LRP1B: variants seen among roughly 807,000 people sequenced by gnomAD.
LRP1B encodes LDL receptor related protein 1B, also known as low-density lipoprotein receptor-related protein 1B.
A neutral mutation model predicts 556.6 loss-of-function variants in LRP1B; 217 were observed. The observed-to-expected ratio is 0.39, with a 90% CI of 0.35 to 0.44. The LOEUF (loss-of-function observed/expected upper bound fraction) is 0.44. LRP1B is among the 20% of genes least tolerant of loss of function. The probability of loss-of-function intolerance (pLI) is 1.00; values close to 1 mark genes in which losing one functional copy is unlikely to be tolerated. For synonymous variants in LRP1B, 2,047 were observed against 1,865.8 expected (o/e 1.10, Z -2.50); for missense variants, 5,053 against 5,620.8 (o/e 0.90, Z 3.23).
intron 77 of LRP1B, among the ~76,000 whole-genome samples, chr2:140,342,783 C>A (rs1681462360): frequency 6.6e-6 from 1 of 151,428 alleles, no homozygotes; most frequent in Admixed American, 6.6e-5. Context: ...AAACCATATA[C>A]ACATAAATGC....
intron 39 of LRP1B, 75 bp from the exon 40 acceptor site, chr2:140,701,920 T>TAACAGATGGACCAAC: frequency 1.3e-6 from 2 of 1,568,108 alleles, no homozygotes; most frequent in Non-Finnish European, 1.7e-6. Context: ...AAGCTGAAGA[T>TAACAGATGGACCAAC]AACAGATGGA....
At chr2:141,074,632 T>C (rs1463072841) in intron 7 of LRP1B, among the ~76,000 whole-genome samples, 1 of 35,268 alleles carries the variant, frequency 2.8e-5, no homozygotes, top group Non-Finnish European at 8.6e-5. Context: ...ATAAAACACA[T>C]ATATTACATA....
chr2:141,446,891 TG>T (rs1366324242), intron 3 of LRP1B, among the ~76,000 whole-genome samples: 1 of 152,156 alleles, frequency 6.6e-6, no homozygotes, highest in Non-Finnish European at 1.5e-5. Context: ...TTATGTGTCT[TG>T]GGGTTGCTCT....
chr2:141,865,836 G>GA (rs1467781843), intron 1 of LRP1B, among the ~76,000 whole-genome samples: 1 of 152,206 alleles, frequency 6.6e-6, no homozygotes, highest in African/African-American at 2.4e-5. Context: ...CTGGAAGGAT[G>GA]TGGTAGAGCT....
chr2:141,629,761 G>A (rs1688841490), intron 2 of LRP1B, among the ~76,000 whole-genome samples: 1 of 152,026 alleles, frequency 6.6e-6, no homozygotes, highest in Admixed American at 6.6e-5. Context: ...ACACTGAGAG[G>A]ACTGAATCTA....
At chr2:141,124,790 A>C in intron 7 of LRP1B, among the ~76,000 whole-genome samples, 1 of 152,140 alleles carries the variant, frequency 6.6e-6, no homozygotes, top group Non-Finnish European at 1.5e-5. Context: ...GCTTTGTTAA[A>C]TTAATAGATA....
Position 140,492,535 on chromosome 2 carries a change from G to A in LRP1B, c.9120+73C>T, listed in dbSNP as rs1047408202. ...TATGCTTCACAAACTCTAATTGCCA[G>A]GTAGTTCTACAGCTCTAACACATAC... is the stretch of plus-strand genomic sequence containing the variant. On this transcript the variant is annotated intron_variant, in intron 57 of 90. Coordinates refer to ENST00000389484, the MANE Select transcript of LRP1B (RefSeq NM_018557.3). 31 of 900,524 alleles carry A rather than the reference G, an allele frequency of 3.4e-5. No individual in the cohort carries two copies. In the South Asian group the frequency reaches 3.6e-4, roughly 10 times the overall value. 55.8% of individuals were successfully genotyped at this position (900,524 alleles called of 1,614,324 possible).
At chr2:142,004,230 T>G (rs1483431912) in intron 1 of LRP1B, among the ~76,000 whole-genome samples, 1 of 152,102 alleles carries the variant, frequency 6.6e-6, no homozygotes, top group African/African-American at 2.4e-5. Context: ...CACAGAATTA[T>G]GAGGAACTGA....
chr2:141,772,374 G>T (rs1866025), intron 2 of LRP1B, among the ~76,000 whole-genome samples: 28,503 of 152,060 alleles, frequency 0.19, 3,135 homozygotes, highest in East Asian at 0.39. Flanking sequence ...TTGTGTCTCA[G>T]AATATACAAA....
Position 141,045,354 on chromosome 2 carries a change from G to A in LRP1B, c.1789+3632C>T, listed in dbSNP as rs547704298. On this transcript the variant is annotated intron_variant, in intron 11 of 90. Coordinates refer to ENST00000389484, the MANE Select transcript of LRP1B (RefSeq NM_018557.3). The stretch of plus-strand genomic sequence containing the variant: ...GATAGTGGGTGCAGCGCACCAGCAT[G>A]GCACATGTATACATATGTAACTAAC... 2.7e-3 allele frequency among the ~76,000 whole-genome samples: 407 copies of A among 150,866 alleles called. 2 individuals are homozygous for A. The highest frequency in any genetic ancestry group is 9.2e-3 in the African/African-American group (377 of 41,038).
chr2:140,636,803 TG>T (rs759541923), intron 41 of LRP1B, among the ~76,000 whole-genome samples: 11 of 152,182 alleles, frequency 7.2e-5, no homozygotes, highest in Non-Finnish European at 1.3e-4. Flanking sequence ...TCTTGAAGTC[TG>T]GGAAATAAAT....
At chr2:141,108,778 A>C (rs1700676016) in intron 7 of LRP1B, among the ~76,000 whole-genome samples, 1 of 152,198 alleles carries the variant, frequency 6.6e-6, no homozygotes, top group Non-Finnish European at 1.5e-5. Flanking sequence ...ATGTTTTGTA[A>C]CCCTAAAATT....
At chr2:141,737,178 C>T (rs1444335508) in intron 2 of LRP1B, among the ~76,000 whole-genome samples, 1 of 152,074 alleles carries the variant, frequency 6.6e-6, no homozygotes, top group Non-Finnish European at 1.5e-5. Flanking sequence ...ATGGTGAAAC[C>T]CTGTCTCTAC....
intron 2 of LRP1B, among the ~76,000 whole-genome samples, chr2:141,778,047 G>A (rs1346059676): frequency 1.3e-5 from 2 of 152,106 alleles, no homozygotes; most frequent in African/African-American, 4.8e-5. Flanking sequence ...AATCAGTTGT[G>A]GTAGAGTCAG....
chr2:141,116,665 A>G (rs1054899122), intron 7 of LRP1B, among the ~76,000 whole-genome samples: 1 of 152,144 alleles, frequency 6.6e-6, no homozygotes, highest in African/African-American at 2.4e-5. Flanking sequence ...AATAGAAAAA[A>G]TTGACGTCTG....
At chr2:141,035,062 A>T (rs1256228230) in intron 11 of LRP1B, among the ~76,000 whole-genome samples, 1 of 152,126 alleles carries the variant, frequency 6.6e-6, no homozygotes, top group Non-Finnish European at 1.5e-5. Flanking sequence ...TTGTAGGGAC[A>T]TGGATGAAAT....
chr2:142,053,914 T>C (rs1704562678), intron 1 of LRP1B, among the ~76,000 whole-genome samples: 2 of 152,032 alleles, frequency 1.3e-5, no homozygotes, highest in African/African-American at 4.8e-5. Context: ...AGAGTATACA[T>C]AATTGGGAGC....
At chr2:140,347,757 T>C (rs916144056) in intron 77 of LRP1B, among the ~76,000 whole-genome samples, 2 of 152,096 alleles carry the variant, frequency 1.3e-5, no homozygotes, top group East Asian at 1.9e-4. Flanking sequence ...GATTCAGAGA[T>C]AGGTAGAAAT....
intron 66 of LRP1B, among the ~76,000 whole-genome samples, chr2:140,402,842 A>T (rs1314194549): frequency 6.6e-6 from 1 of 152,218 alleles, no homozygotes; most frequent in African/African-American, 2.4e-5. Flanking sequence ...TCAACTTAGT[A>T]AATAAAATAC....
Sources: allele counts gnomAD v4.1 joint callset (sites outside exome capture counted in the v4.1 genomes callset), GRCh38; gene constraint gnomAD v4.1.1; transcripts MANE v1.5; gene names NCBI Gene and HGNC (gene_info 2026-07-23, HGNC 2026-07-21).